The following MMRN1 variants were observed in gnomAD, a reference collection of about 807,000 sequenced individuals.
MMRN1 encodes multimerin-1.
Under a neutral mutation model 100.7 loss-of-function variants are expected in MMRN1, and 94 were observed. That is an observed-to-expected ratio of 0.93 (90% CI 0.79 to 1.11). The LOEUF is 1.11. Among genes scored for constraint, MMRN1 ranks in the 50% least tolerant of loss-of-function variants. The pLI, the probability that MMRN1 is intolerant of heterozygous loss-of-function variation, is 0.00. For synonymous variants in MMRN1, 575 were observed against 505.0 expected (o/e 1.14, Z -1.86); for missense variants, 1,606 against 1,439.1 (o/e 1.12, Z -1.88).
chr4:89,926,342 C>G (rs980011913), intron 4 of MMRN1, among the ~76,000 whole-genome samples: 3 of 151,944 alleles, frequency 2.0e-5, no homozygotes, highest in South Asian at 4.2e-4. Context: ...GAGATGATAT[C>G]GCATAGTAGT....
chr4:89,949,951 A>G (rs578257518), intron 6 of MMRN1, among the ~76,000 whole-genome samples: 33 of 152,346 alleles, frequency 2.2e-4, no homozygotes, highest in South Asian at 1.4e-3. Flanking sequence ...AAATGAGTGG[A>G]TGGTAAACTA....
rs148788292 is a variant in MMRN1 at position 89,907,271 on chromosome 4, G to T, written c.624-2005G>T. Among the ~76,000 whole-genome samples, 1,431 of 151,542 alleles carry T rather than the reference G, an allele frequency of 9.4e-3. 14 individuals are homozygous for T. The highest frequency in any genetic ancestry group is 0.012 in the Non-Finnish European group (792 of 67,614). On this transcript the variant is annotated intron_variant, in intron 1 of 7. Coordinates refer to ENST00000264790, the MANE Select transcript of MMRN1 (RefSeq NM_007351.3). ...GTGATTTAACAACATGTGCCAGCAT[G>T]TCTTCTTACTTCTTTAAGGGGCCTG... is the stretch of plus-strand genomic sequence containing the variant.
At chr4:89,898,077 C>T (rs1721266585) in intron 1 of MMRN1, among the ~76,000 whole-genome samples, 1 of 152,074 alleles carries the variant, frequency 6.6e-6, no homozygotes, top group Non-Finnish European at 1.5e-5. Context: ...ACTCATTAGG[C>T]CATGCAAATG....
intron 6 of MMRN1, among the ~76,000 whole-genome samples, chr4:89,944,604 G>A (rs1169671166): frequency 6.6e-6 from 1 of 152,158 alleles, no homozygotes; most frequent in African/African-American, 2.4e-5. Flanking sequence ...GATGAGGGTT[G>A]TTTAGAGGCA....
chr4:89,895,275 T>A lies in MMRN1; in HGVS notation c.304T>A (p.Ser102Thr). 1 of 1,613,852 alleles carries A rather than the reference T, an allele frequency of 6.2e-7. No individual in the cohort carries two copies. The highest frequency in any genetic ancestry group is 8.5e-7 in the Non-Finnish European group (1 of 1,179,918). Residue 102 changes from serine to threonine, a missense_variant, in exon 1 of 8, where the codon TCC becomes ACC. Transcript: ENST00000264790. ...GGGTGTGAGAAATCAAACTCTCACATCCACAGAGAAAGCAGAAGGAGTGGT... is the reference window on the plus strand; with the variant it reads ...GGGTGTGAGAAATCAAACTCTCACAACCACAGAGAAAGCAGAAGGAGTGGT... ...AEGVRNQTLT[S>T]TEKAEGVVKL...
chr4:89,918,821 G>A (rs969342199), intron 3 of MMRN1, among the ~76,000 whole-genome samples: 1 of 151,668 alleles, frequency 6.6e-6, no homozygotes, highest in African/African-American at 2.4e-5. Context: ...CACAAATTTT[G>A]TGGAAAATTC....
Position 89,936,055 on chromosome 4 carries a change from ACAAT to A in MMRN1, c.2378_2381del (p.Asn793ArgfsTer22). 6.2e-7 allele frequency: 1 copy of A among 1,611,936 alleles called. No homozygotes were observed. Among genetic ancestry groups the A allele is most frequent in the Non-Finnish European group, 8.5e-7 (1 of 1,179,294 alleles). On this transcript the variant is annotated frameshift_variant, in exon 6 of 8. Transcript: ENST00000264790. LOFTEE classifies it high-confidence loss of function. ...GATTCTATTCAGACTTTGGTCAATG[ACAAT>A]CAGAGATATAACTTTGTTTTGCAAG...
Position 89,936,372 on chromosome 4 carries a change from G to A in MMRN1, c.2692G>A (p.Val898Ile). ...NERDQALQLQ[V>I]LNSRFKALEA... The stretch of plus-strand genomic sequence containing the variant: ...GAGAGATCAGGCTCTTCAACTGCAA[G>A]TATTAAATTCCAGATTTAAGGCGTT... The change falls in exon 6 of 8, where the codon GTA (valine) becomes ATA (isoleucine). Residue 898 changes from valine to isoleucine, a missense_variant. Val to Ile is a conservative substitution (Grantham distance 29). Transcript: ENST00000264790. The A allele has an allele frequency of 1.9e-6, 3 of 1,609,504 alleles. No individual in the cohort carries two copies. The highest frequency in any genetic ancestry group is 2.5e-6 in the Non-Finnish European group (3 of 1,178,748).
rs1276073645 is a variant in MMRN1, at chr4:89,895,434, T to A, written c.463T>A (p.Ser155Thr). 6.2e-7 allele frequency: 1 copy of A among 1,613,766 alleles called. No homozygotes were observed. Among genetic ancestry groups the A allele is most frequent in the South Asian group, 1.1e-5 (1 of 91,074 alleles). Reference sequence around the variant, plus strand: ...CAGAAAGTCAAATGAACAAGCAACTTCTCTAAACACAGTTGGAGGCACTGG... The same window carrying A: ...CAGAAAGTCAAATGAACAAGCAACTACTCTAAACACAGTTGGAGGCACTGG... ...FARKSNEQAT[S>T]LNTVGGTGGI... Residue 155 changes from serine to threonine, a missense_variant, in exon 1 of 8, where the codon TCT (serine) becomes ACT (threonine). By Grantham distance (58) the Ser-to-Thr change is moderately conservative. Coordinates refer to ENST00000264790, the MANE Select transcript of MMRN1 (RefSeq NM_007351.3).
Position 89,935,192 on chromosome 4 carries a change from A to T in MMRN1, c.1512A>T (p.Glu504Asp), listed in dbSNP as rs1722568966. Residue 504 changes from glutamate to aspartate, a missense_variant, in exon 6 of 8, where the codon GAA (glutamate) becomes GAT (aspartate). Physicochemically the swap from Glu to Asp is conservative, Grantham distance 45. Coordinates refer to ENST00000264790, the MANE Select transcript of MMRN1 (RefSeq NM_007351.3). The stretch of plus-strand genomic sequence containing the variant: ...ACTCAAGAAGCATTCTGTATTATGA[A>T]TCCCTCAATAAAACTCTTTCTAAAT... ...QEHSRSILYY[E>D]SLNKTLSKLK... is the part of the protein sequence containing the mutation. 6.2e-7 allele frequency: 1 copy of T among 1,613,270 alleles called. No homozygotes were observed. Among genetic ancestry groups the T allele is most frequent in the Non-Finnish European group, 8.5e-7 (1 of 1,179,704 alleles).
At chr4:89,893,745 C>T (rs1721106749), upstream of MMRN1, among the ~76,000 whole-genome samples, 1 of 151,936 alleles carries the variant, frequency 6.6e-6, no homozygotes, top group African/African-American at 2.4e-5. Flanking sequence ...GAGTGCTTTG[C>T]ACAGAATGAG....
Position 89,953,159 on chromosome 4 carries a change from G to C in MMRN1, c.3428G>C (p.Gly1143Ala). The C allele has an allele frequency of 6.2e-7, 1 of 1,613,772 alleles. No homozygotes were observed. The highest frequency in any genetic ancestry group is 8.5e-7 in the Non-Finnish European group (1 of 1,179,842). ...GGAAAATTTAGAATTCCGTATCTTG[G>C]AGTATATGTTTTCAAGTACACCATC... ...RTGKFRIPYL[G>A]VYVFKYTIES... The change falls in exon 8 of 8, where the codon GGA (glycine) becomes GCA (alanine). Residue 1143 changes from glycine (G) to alanine (A), a missense_variant. Transcript: ENST00000264790.
chr4:89,894,918 A>G lies in MMRN1; in HGVS notation c.-54A>G, dbSNP rs527413513. The G allele has an allele frequency of 1.1e-5, 17 of 1,554,890 alleles. No individual in the cohort carries two copies. The highest frequency in any genetic ancestry group is 2.7e-5 in the African/African-American group (2 of 73,078). On this transcript the variant is annotated 5_prime_UTR_variant, in exon 1 of 8. Transcript: ENST00000264790. ...TGTGGAAGCAGCTATCAAAAAGGCC[A>G]TAAGGATTTTGTCCCCAAATTTCAC... is the stretch of plus-strand genomic sequence containing the variant.
At chr4:89,952,366 GTTAT>G (rs149838633) in intron 7 of MMRN1, among the ~76,000 whole-genome samples, 2,279 of 152,126 alleles carry the variant, frequency 0.015, 48 homozygotes, top group African/African-American at 0.051. Context: ...ATAAAAATGT[GTTAT>G]TTAATGACTG....
At chr4:89,879,802 GA>G (rs1253041399) in intron 1 of MMRN1, among the ~76,000 whole-genome samples, 1 of 152,088 alleles carries the variant, frequency 6.6e-6, no homozygotes, top group African/African-American at 2.4e-5. Context: ...AATGTGTAGA[GA>G]AAATGTTCTG....
chr4:89,952,980 A>AT lies in MMRN1; in HGVS notation c.3266-11dup, dbSNP rs779502086. 4.6e-5 allele frequency: 71 copies of AT among 1,549,568 alleles called. No individual in the cohort carries two copies. The highest frequency in any genetic ancestry group is 1.6e-4 in the South Asian group (13 of 81,216). ...AAAAACATGAAAATTAACTCTTGCC[A>AT]TTTTTTCCTCTAACAGATTTTTCCA... On this transcript the variant is annotated splice_polypyrimidine_tract_variant and intron_variant, in intron 7 of 7. Transcript: ENST00000264790.
intron 3 of MMRN1, among the ~76,000 whole-genome samples, chr4:89,922,586 T>C (rs1722124257): frequency 6.6e-6 from 1 of 152,232 alleles, no homozygotes; most frequent in South Asian, 2.1e-4. Context: ...TATTGAAATT[T>C]CACTGACTTT....
chr4:89,938,017 CAT>C (rs1472888786), intron 6 of MMRN1, among the ~76,000 whole-genome samples: 2 of 151,960 alleles, frequency 1.3e-5, no homozygotes, highest in African/African-American at 4.8e-5. Flanking sequence ...GTGTTTTTCT[CAT>C]ATGAGTCTGC....
rs1370019108 is a variant in MMRN1 at position 89,935,988 on chromosome 4, G to T, written c.2308G>T (p.Glu770Ter). 6.2e-6 allele frequency: 10 copies of T among 1,613,038 alleles called. No individual in the cohort carries two copies. In the South Asian group the frequency reaches 1.1e-4, roughly 18 times the overall value. Residue 770 changes from glutamate to a stop codon, truncating the protein, a stop_gained, in exon 6 of 8, where the codon GAA becomes TAA. Transcript: ENST00000264790. LOFTEE classifies it high-confidence loss of function. ...EIHHKCTSDM[E>*]TILTFIPQFH... ...CCATCATAAATGTACCTCCGATATG[G>T]AAACTATTTTGACATTTATTCCTCA...
Sources: allele counts gnomAD v4.1 joint callset (sites outside exome capture counted in the v4.1 genomes callset), GRCh38; gene constraint gnomAD v4.1.1; transcripts MANE v1.5; gene names NCBI Gene and HGNC (gene_info 2026-07-23, HGNC 2026-07-21).